The following KHDRBS3 variants were observed in gnomAD, a reference collection of about 807,000 sequenced individuals.
KHDRBS3 encodes the protein KH RNA binding domain containing, signal transduction associated 3, also known as KH domain-containing, RNA-binding, signal transduction-associated protein 3.
A neutral mutation model predicts 45.6 loss-of-function variants in KHDRBS3; 23 were observed. That is an observed-to-expected ratio of 0.50 (90% CI 0.36 to 0.72). The LOEUF (loss-of-function observed/expected upper bound fraction) is 0.72, where lower values mean the gene tolerates loss of function less well. KHDRBS3 is among the 30% of genes least tolerant of loss of function. The pLI is 0.00. For missense variants in KHDRBS3, 352 were observed against 424.8 expected (o/e 0.83, Z 1.51); for synonymous variants, 162 against 156.5 (o/e 1.04, Z -0.26).
At chr8:135,486,992 G>T (rs961575390) in intron 1 of KHDRBS3, among the ~76,000 whole-genome samples, 5 of 152,048 alleles carry the variant, frequency 3.3e-5, no homozygotes, top group Non-Finnish European at 7.4e-5. Context: ...CAGGTATTTT[G>T]ACCATAAACC....
At chr8:135,464,772 T>C (rs1165468118) in intron 1 of KHDRBS3, among the ~76,000 whole-genome samples, 1 of 152,192 alleles carries the variant, frequency 6.6e-6, no homozygotes, top group African/African-American at 2.4e-5. Flanking sequence ...CCTTATTTTA[T>C]AGATGAGAAA....
chr8:135,501,897 T>G (rs1202722068), intron 1 of KHDRBS3, among the ~76,000 whole-genome samples: 1 of 152,208 alleles, frequency 6.6e-6, no homozygotes, highest in African/African-American at 2.4e-5. Flanking sequence ...TATGAATTCT[T>G]TCACTGAATT....
intron 1 of KHDRBS3, among the ~76,000 whole-genome samples, chr8:135,513,008 C>A (rs145705708): frequency 2.6e-5 from 4 of 151,680 alleles, no homozygotes; most frequent in Admixed American, 6.6e-5. Flanking sequence ...GTCAGGAGAT[C>A]GAGACCACGG....
At chr8:135,545,909 G>A (rs562003500) in intron 3 of KHDRBS3, among the ~76,000 whole-genome samples, 158 of 152,248 alleles carry the variant, frequency 1.0e-3, no homozygotes, top group Non-Finnish European at 1.8e-3. Flanking sequence ...AGGCCAAGGC[G>A]GGGTGATCAC....
At chr8:135,650,849 G>T (rs1243441496), downstream of KHDRBS3, among the ~76,000 whole-genome samples, 1 of 152,114 alleles carries the variant, frequency 6.6e-6, no homozygotes, top group Non-Finnish European at 1.5e-5. Context: ...TCTTTCACTT[G>T]TTTAGGTTCT....
At chr8:135,600,998 T>G (rs557611294) in intron 6 of KHDRBS3, among the ~76,000 whole-genome samples, 1 of 152,226 alleles carries the variant, frequency 6.6e-6, no homozygotes, top group Non-Finnish European at 1.5e-5. Flanking sequence ...TTTATTTAGC[T>G]TCTTCCAAAG....
At chr8:135,526,619 A>T (rs1450429036) in intron 2 of KHDRBS3, among the ~76,000 whole-genome samples, 2 of 152,202 alleles carry the variant, frequency 1.3e-5, no homozygotes, top group Non-Finnish European at 2.9e-5. Flanking sequence ...CTGTGAGTAG[A>T]GAATAGTGTA....
intron 7 of KHDRBS3, among the ~76,000 whole-genome samples, chr8:135,632,704 C>G (rs193277359): frequency 1.3e-5 from 2 of 151,966 alleles, no homozygotes; most frequent in Admixed American, 6.6e-5. Context: ...TTCACTCAAC[C>G]GGGATTTTAA....
intron 1 of KHDRBS3, among the ~76,000 whole-genome samples, chr8:135,519,591 T>C (rs769198339): frequency 2.6e-5 from 4 of 152,240 alleles, no homozygotes; most frequent in Non-Finnish European, 4.4e-5. Flanking sequence ...CCTAAGGTTT[T>C]AGAACCAAAT....
rs1263901857 is a variant in KHDRBS3 at position 135,609,529 on chromosome 8, A to C, written c.890+2492A>C. ...AGGCTGGTCTTGAACCCCTGGGCTC[A>C]AGCAGTGTGCCCACCTTGGCCTCCA... On this transcript the variant is annotated intron_variant, in intron 7 of 8. Transcript: ENST00000355849. Among the ~76,000 whole-genome samples the C allele has an allele frequency of 3.9e-5, 6 of 152,108 alleles. No individual in the cohort carries two copies. In the East Asian group the frequency reaches 1.2e-3, roughly 29 times the overall value.
At chr8:135,638,985 G>T (rs1056417361) in intron 7 of KHDRBS3, among the ~76,000 whole-genome samples, 1 of 138,128 alleles carries the variant, frequency 7.2e-6, no homozygotes, top group African/African-American at 2.7e-5. Context: ...AAAAAAAAAA[G>T]AAGTAGCTAG....
In KHDRBS3 at chr8:135,457,786, G is replaced by A; in HGVS notation, c.-81G>A. 1.3e-6 allele frequency: 1 copy of A among 769,372 alleles called. No homozygotes were observed. Among genetic ancestry groups the A allele is most frequent in the Non-Finnish European group, 1.8e-6 (1 of 562,374 alleles). The allele number at this position is 769,372 out of a possible 1,614,324, so 47.7% of individuals were successfully genotyped here. ...TGGCCCCCGGGTCCCCGCCGCTGGG[G>A]GCGCGGGCGGGGTCGGGGGTTGCCG... On this transcript the variant is annotated 5_prime_UTR_variant, in exon 1 of 9. Coordinates refer to ENST00000355849, the MANE Select transcript of KHDRBS3 (RefSeq NM_006558.3). The surrounding 1 kb of genome is among the most constrained non-coding windows in gnomAD (Gnocchi z 4.4).
chr8:135,543,739 T>A (rs1471666259), intron 3 of KHDRBS3, among the ~76,000 whole-genome samples: 9 of 152,204 alleles, frequency 5.9e-5, no homozygotes, highest in Admixed American at 5.9e-4. Context: ...CTTGAGTATA[T>A]TATCTGGGTT....
In KHDRBS3 at chr8:135,576,717, A is replaced by G. The variant is rs112050685; in HGVS notation, c.612-5161A>G. 1.4e-3 allele frequency among the ~76,000 whole-genome samples: 208 copies of G among 152,314 alleles called. 3 individuals are homozygous for G. Among genetic ancestry groups the G allele is most frequent in the African/African-American group, 4.3e-3 (180 of 41,574 alleles). On this transcript the variant is annotated intron_variant, in intron 5 of 8. Transcript: ENST00000355849. Reference sequence around the variant, plus strand: ...GTTCCATTTATTGGAGTATGGTATTAGAAACCAAGGTCAGGCTGCTGGCCC... The same window carrying G: ...GTTCCATTTATTGGAGTATGGTATTGGAAACCAAGGTCAGGCTGCTGGCCC...
At position 135,485,175 on chromosome 8, in the gene KHDRBS3, C is replaced by T. The variant is rs1010103790; in HGVS notation, c.88+27221C>T. Among the ~76,000 whole-genome samples, 5 of 132,714 alleles carry T rather than the reference C, an allele frequency of 3.8e-5. No individual in the cohort carries two copies. The Admixed American group carries it at 4.0e-4, about 11-fold the overall frequency. The allele number at this position is 132,714 out of a possible 152,430, so 87.1% of individuals were successfully genotyped here. On this transcript the variant is annotated intron_variant, in intron 1 of 8. Transcript: ENST00000355849. ...ATCATGTCTGTCCCCACTACAATAT[C>T]AACTCTGTGTAAACAGCACTTTGTT... is the stretch of plus-strand genomic sequence containing the variant.
At chr8:135,536,989 AAAAAAAAAG>A (rs1410169575) in intron 2 of KHDRBS3, among the ~76,000 whole-genome samples, 838 of 47,194 alleles carry the variant, frequency 0.018, 76 homozygotes, top group African/African-American at 0.077. Context: ...AAAAAAAAAA[AAAAAAAAAG>A]GAGATGTTTA....
At chr8:135,498,898 G>T (rs944505152) in intron 1 of KHDRBS3, among the ~76,000 whole-genome samples, 1 of 152,004 alleles carries the variant, frequency 6.6e-6, no homozygotes, top group African/African-American at 2.4e-5. Context: ...TTGCACAAAT[G>T]TACCTGTCAT....
At chr8:135,654,975 C>T (rs1831503074) in intron 4 of KHDRBS3, among the ~76,000 whole-genome samples, 1 of 152,214 alleles carries the variant, frequency 6.6e-6, no homozygotes, top group Non-Finnish European at 1.5e-5. Context: ...ACTGGATTGG[C>T]AGATGTCTCA....
At chr8:135,616,644 A>G (rs1829928358) in intron 7 of KHDRBS3, among the ~76,000 whole-genome samples, 1 of 152,172 alleles carries the variant, frequency 6.6e-6, no homozygotes, top group Non-Finnish European at 1.5e-5. Flanking sequence ...ATTCATAGCA[A>G]TGACAGATGC....
Sources: allele counts gnomAD v4.1 joint callset (sites outside exome capture counted in the v4.1 genomes callset), GRCh38; gene constraint gnomAD v4.1.1; non-coding constraint Gnocchi (gnomAD v3.1); transcripts MANE v1.5; gene names NCBI Gene and HGNC (gene_info 2026-07-23, HGNC 2026-07-21).